The following BCAS3 variants were observed in gnomAD, a reference collection of about 807,000 sequenced individuals.
The protein encoded by BCAS3 is BCAS4/BCAS3 fusion.
BCAS3 carries 53 observed loss-of-function variants against 116.1 expected under a neutral mutation model. That is an observed-to-expected ratio of 0.46 (90% CI 0.37 to 0.57). The LOEUF (loss-of-function observed/expected upper bound fraction) is 0.57. BCAS3 is among the 20% of genes least tolerant of loss of function. The probability of loss-of-function intolerance (pLI) is 0.00; values close to 1 mark genes in which losing one functional copy is unlikely to be tolerated. For missense variants in BCAS3, 917 were observed against 1,165.4 expected, an observed-to-expected ratio of 0.79 and a Z score of 3.10; for synonymous variants, 391 against 408.2, an observed-to-expected ratio of 0.96 and a Z score of 0.51.
intron 7 of BCAS3, among the ~76,000 whole-genome samples, chr17:60,812,917 CT>C (rs1011401596): frequency 3.4e-4 from 51 of 151,908 alleles, no homozygotes; most frequent in Admixed American, 3.9e-4. Flanking sequence ...AAAAAAATTT[CT>C]TTTTTTAAGA....
chr17:61,375,528 G>C (rs1345007659), intron 23 of BCAS3, among the ~76,000 whole-genome samples: 1 of 151,288 alleles, frequency 6.6e-6, no homozygotes, highest in Non-Finnish European at 1.5e-5. Flanking sequence ...CACATGATCA[G>C]ATGACAATAA....
intron 22 of BCAS3, among the ~76,000 whole-genome samples, chr17:61,177,801 A>C (rs1234888535): frequency 1.3e-5 from 2 of 152,308 alleles, no homozygotes; most frequent in Non-Finnish European, 2.9e-5. Flanking sequence ...TATGTATACC[A>C]ATTAATTTAG....
At chr17:61,116,478 C>T (rs1415439695) in intron 22 of BCAS3, among the ~76,000 whole-genome samples, 1 of 152,060 alleles carries the variant, frequency 6.6e-6, no homozygotes, top group Non-Finnish European at 1.5e-5. Context: ...CATTTAGAAC[C>T]ACATCAAAGA....
At chr17:60,854,269 G>A (rs527737091) in intron 7 of BCAS3, among the ~76,000 whole-genome samples, 2 of 152,264 alleles carry the variant, frequency 1.3e-5, no homozygotes, top group East Asian at 1.9e-4. Flanking sequence ...TGGTGTATAT[G>A]TGCCACATTT....
chr17:60,824,042 T>C (rs1346325605), intron 7 of BCAS3, among the ~76,000 whole-genome samples: 1 of 152,216 alleles, frequency 6.6e-6, no homozygotes, highest in African/African-American at 2.4e-5. Flanking sequence ...ACTTCTCACT[T>C]TGACTACTAT....
chr17:60,896,592 C>G (rs73320650), intron 10 of BCAS3, among the ~76,000 whole-genome samples: 4 of 149,122 alleles, frequency 2.7e-5, no homozygotes, highest in African/African-American at 9.9e-5. Flanking sequence ...TTTTTTTTTT[C>G]CAGCTGTTTT....
chr17:61,019,359 C>T lies in BCAS3; in HGVS notation c.1637+3458C>T, dbSNP rs976040132. Among the ~76,000 whole-genome samples, 6 of 152,118 alleles carry T rather than the reference C, an allele frequency of 3.9e-5. No homozygotes were observed. The highest frequency in any genetic ancestry group is 2.4e-5 in the African/African-American group (1 of 41,426). ...TCCTGGTGCCAAAAAGGTTGGGGAT[C>T]GCTCCTTAAGCCACTCTCTGAAGAG... is the stretch of plus-strand genomic sequence containing the variant. On this transcript the variant is annotated intron_variant, in intron 16 of 23. Coordinates refer to ENST00000407086, the MANE Select transcript of BCAS3 (RefSeq NM_017679.5). This position sits in a 1 kb window ranked among gnomAD's most constrained non-coding sequence, Gnocchi z 5.6.
chr17:60,949,186 T>C (rs1295662397), intron 14 of BCAS3, among the ~76,000 whole-genome samples: 1 of 152,182 alleles, frequency 6.6e-6, no homozygotes. Context: ...CACGGAAATA[T>C]TCTAACATAA....
At position 60,850,016 on chromosome 17, in the gene BCAS3, C is replaced by T. The variant is rs73990996; in HGVS notation, c.477-18560C>T. Among the ~76,000 whole-genome samples, 389 of 152,228 alleles carry T rather than the reference C, an allele frequency of 2.6e-3. 4 individuals carry two copies. Among genetic ancestry groups the T allele is most frequent in the Middle Eastern group, 0.01 (3 of 294 alleles). ...CAAGCAATCATCTCACCTTGGCCTC[C>T]AAAAGTGCTGGGATTAGAGACGGAA... On this transcript the variant is annotated intron_variant, in intron 7 of 23. Coordinates refer to ENST00000407086, the MANE Select transcript of BCAS3 (RefSeq NM_017679.5).
In BCAS3 at chr17:61,388,892, G is replaced by C. The variant is rs2059988068; in HGVS notation, c.2594-3085G>C. The C allele has an allele frequency of 1.7e-6, 1 of 587,770 alleles. No homozygotes were observed. Among genetic ancestry groups the C allele is most frequent in the Non-Finnish European group, 3.0e-6 (1 of 336,960 alleles). 36.4% of individuals were successfully genotyped at this position (587,770 alleles called of 1,614,324 possible). On this transcript the variant is annotated intron_variant, in intron 23 of 23. Coordinates refer to ENST00000407086, the MANE Select transcript of BCAS3 (RefSeq NM_017679.5). This position sits in a 1 kb window ranked among gnomAD's most constrained non-coding sequence, Gnocchi z 6.5. ...AAAGCGCCCACAAAGCTGCCCCGGG[G>C]CCAGCAGGCCCCCGATTCTTTCAGT...
At chr17:60,881,664 C>T (rs2144952319) in intron 9 of BCAS3, among the ~76,000 whole-genome samples, 1 of 142,980 alleles carries the variant, frequency 7.0e-6, no homozygotes, top group South Asian at 2.2e-4. Flanking sequence ...TTGTTCAATT[C>T]CCACCTATGA....
rs2081723168 is a variant in BCAS3 at position 61,215,355 on chromosome 17, A to G, written c.2425+130791A>G. Reference sequence around the variant, plus strand: ...GTTTTACTCATCACTGTCAGTAACTAGCTCTCTGTCCTTCTGACACTTCAC... The same window carrying G: ...GTTTTACTCATCACTGTCAGTAACTGGCTCTCTGTCCTTCTGACACTTCAC... On this transcript the variant is annotated intron_variant, in intron 22 of 23. Coordinates refer to ENST00000407086, the MANE Select transcript of BCAS3 (RefSeq NM_017679.5). The surrounding 1 kb of genome is among the most constrained non-coding windows in gnomAD (Gnocchi z 4.8). Among the ~76,000 whole-genome samples the G allele has an allele frequency of 6.6e-6, 1 of 152,214 alleles. No homozygotes were observed. Among genetic ancestry groups the G allele is most frequent in the African/African-American group, 2.4e-5 (1 of 41,460 alleles).
Position 61,222,224 on chromosome 17 carries a change from GA to G in BCAS3, c.2425+137661del, listed in dbSNP as rs1170695484. Among the ~76,000 whole-genome samples the G allele has an allele frequency of 6.6e-6, 1 of 152,192 alleles. No individual in the cohort carries two copies. Among genetic ancestry groups the G allele is most frequent in the African/African-American group, 2.4e-5 (1 of 41,448 alleles). On this transcript the variant is annotated intron_variant, in intron 22 of 23. Coordinates refer to ENST00000407086, the MANE Select transcript of BCAS3 (RefSeq NM_017679.5). The surrounding 1 kb of genome is among the most constrained non-coding windows in gnomAD (Gnocchi z 6.1). ...ACTGTAAAGAAATGATAAAAATAAG[GA>G]CTCAGCTTAAACCTTTGAAAGAAAG...
rs942954818 is a variant in BCAS3 at position 61,387,698 on chromosome 17, G to T, written c.2594-4279G>T. On this transcript the variant is annotated intron_variant, in intron 23 of 23. Coordinates refer to ENST00000407086, the MANE Select transcript of BCAS3 (RefSeq NM_017679.5). The surrounding 1 kb of genome is among the most constrained non-coding windows in gnomAD (Gnocchi z 6.2). Reference sequence around the variant, plus strand: ...GGGAATGGCTCTCCAGCATGGGCATGGGGGCCGGTCTTAGTGATGCCGGAG... The same window carrying T: ...GGGAATGGCTCTCCAGCATGGGCATTGGGGCCGGTCTTAGTGATGCCGGAG... 2.6e-5 allele frequency among the ~76,000 whole-genome samples: 4 copies of T among 152,226 alleles called. No individual in the cohort carries two copies. Among genetic ancestry groups the T allele is most frequent in the Non-Finnish European group, 4.4e-5 (3 of 68,044 alleles).
At chr17:61,212,347 C>T (rs1699211204) in intron 22 of BCAS3, among the ~76,000 whole-genome samples, 1 of 152,124 alleles carries the variant, frequency 6.6e-6, no homozygotes, top group Non-Finnish European at 1.5e-5. Context: ...AAGTGATCCT[C>T]CATCCTCAGC....
intron 14 of BCAS3, among the ~76,000 whole-genome samples, chr17:60,979,556 G>A (rs2062653823): frequency 6.7e-6 from 1 of 148,624 alleles, no homozygotes; most frequent in African/African-American, 2.6e-5. Context: ...GTGAGAGAGG[G>A]CATCCCTGTC....
intron 22 of BCAS3, among the ~76,000 whole-genome samples, chr17:61,175,287 G>A (rs182941052): frequency 2.6e-5 from 4 of 152,090 alleles, no homozygotes; most frequent in African/African-American, 7.2e-5. Flanking sequence ...CATGGCCATA[G>A]TCCCAGCTAC....
chr17:60,964,433 T>G lies in BCAS3; in HGVS notation c.1221+17081T>G, dbSNP rs1600056306. On this transcript the variant is annotated intron_variant, in intron 14 of 23. Coordinates refer to ENST00000407086, the MANE Select transcript of BCAS3 (RefSeq NM_017679.5). The surrounding 1 kb of genome is among the most constrained non-coding windows in gnomAD (Gnocchi z 4.6). ...TTTTAGTGTGTTGTTGAATTCTGTT[T>G]GCTAGTATTTTGTTGAGGATTTTCA... Among the ~76,000 whole-genome samples, 1 of 152,326 alleles carries G rather than the reference T, an allele frequency of 6.6e-6. No individual in the cohort carries two copies. The highest frequency in any genetic ancestry group is 1.9e-4 in the East Asian group (1 of 5,186).
chr17:60,965,608 G>C (rs1456372980), intron 14 of BCAS3, among the ~76,000 whole-genome samples: 1 of 151,936 alleles, frequency 6.6e-6, no homozygotes, highest in Non-Finnish European at 1.5e-5. Context: ...TTGACCTATT[G>C]GTCACTCAGG....
Sources: gnomAD v4.1 joint callset for allele counts (sites outside exome capture counted in the v4.1 genomes callset) on GRCh38, gnomAD v4.1.1 for gene constraint, Gnocchi (gnomAD v3.1) non-coding constraint, MANE v1.5 for transcripts, NCBI Gene and HGNC (gene_info 2026-07-23, HGNC 2026-07-21) for gene names.